SGPL1: variants seen among roughly 807,000 people sequenced by gnomAD.
SGPL1 encodes sphingosine-1-phosphate lyase 1, also known as SP-lyase 1.
A neutral mutation model predicts 68.9 loss-of-function variants in SGPL1; 37 were observed. The ratio of observed to expected loss-of-function variants is 0.54; its 90% confidence interval spans 0.41 to 0.71. SGPL1 has a LOEUF of 0.71. SGPL1 is among the 30% of genes least tolerant of loss of function. The pLI is 0.00. For synonymous variants in SGPL1, 236 were observed against 248.5 expected (o/e 0.95, Z 0.47); for missense variants, 551 against 704.6 (o/e 0.78, Z 2.47).
intron 2 of SGPL1, among the ~76,000 whole-genome samples, chr10:70,823,419 A>AC (rs1845376677): frequency 6.6e-6 from 1 of 151,934 alleles, no homozygotes; most frequent in Non-Finnish European, 1.5e-5. Flanking sequence ...TTATAATTAC[A>AC]CAGTAATTAT....
At chr10:70,823,753 C>CA (rs200046625) in intron 2 of SGPL1, among the ~76,000 whole-genome samples, 5,939 of 150,602 alleles carry the variant, frequency 0.039, 145 homozygotes, top group Non-Finnish European at 0.057. Context: ...TTTATATTTA[C>CA]AAAAAAATCA....
chr10:70,846,087 A>G (rs970004831), intron 3 of SGPL1, among the ~76,000 whole-genome samples: 2 of 152,232 alleles, frequency 1.3e-5, no homozygotes, highest in Non-Finnish European at 2.9e-5. Flanking sequence ...TTTTTAAATT[A>G]AAGTGGAAAT....
intron 2 of SGPL1, among the ~76,000 whole-genome samples, chr10:70,838,339 T>C (rs1486354964): frequency 2.6e-5 from 4 of 152,182 alleles, no homozygotes; most frequent in Non-Finnish European, 4.4e-5. Context: ...GTTCGTAAGA[T>C]TTTTTTGGAG....
At chr10:70,823,168 C>T (rs1366167702) in intron 2 of SGPL1, among the ~76,000 whole-genome samples, 3 of 152,040 alleles carry the variant, frequency 2.0e-5, no homozygotes, top group African/African-American at 2.4e-5. Flanking sequence ...CAATCTCTCT[C>T]ACTCTCTCTG....
At chr10:70,833,025 A>G (rs1218916202) in intron 2 of SGPL1, among the ~76,000 whole-genome samples, 1 of 152,240 alleles carries the variant, frequency 6.6e-6, no homozygotes, top group Non-Finnish European at 1.5e-5. Context: ...CCACAAGTAC[A>G]TTAATAAAGT....
At chr10:70,838,028 C>T (rs1195734946) in intron 2 of SGPL1, among the ~76,000 whole-genome samples, 2 of 152,168 alleles carry the variant, frequency 1.3e-5, no homozygotes, top group Non-Finnish European at 2.9e-5. Flanking sequence ...ATCTAAATCA[C>T]CTCTTAAAGA....
chr10:70,875,097 G>T (rs956782626), intron 12 of SGPL1, among the ~76,000 whole-genome samples: 1 of 152,166 alleles, frequency 6.6e-6, no homozygotes, highest in Non-Finnish European at 1.5e-5. Flanking sequence ...TGCCTCAGAA[G>T]CATCTAGGGG....
chr10:70,868,332 T>C lies in SGPL1; in HGVS notation c.616-13T>C, dbSNP rs1175315139. On this transcript the variant is annotated splice_polypyrimidine_tract_variant and intron_variant, in intron 7 of 14. Coordinates refer to ENST00000373202, the MANE Select transcript of SGPL1 (RefSeq NM_003901.4). ...TGACTCCCCCAACAGATGGCATCTC[T>C]TCTTTATTATAGGTGACTTCTGGGG... The C allele has an allele frequency of 6.3e-7, 1 of 1,594,032 alleles. No homozygotes were observed. Among genetic ancestry groups the C allele is most frequent in the Non-Finnish European group, 8.6e-7 (1 of 1,168,156 alleles).
At chr10:70,858,365 C>T (rs1254704375) in intron 6 of SGPL1, among the ~76,000 whole-genome samples, 1 of 152,026 alleles carries the variant, frequency 6.6e-6, no homozygotes, top group East Asian at 1.9e-4. Flanking sequence ...CTTCAACTCC[C>T]AGCCTCAAGT....
chr10:70,844,973 C>T (rs2131885934), intron 3 of SGPL1, among the ~76,000 whole-genome samples: 2 of 152,128 alleles, frequency 1.3e-5, no homozygotes, highest in South Asian at 4.1e-4. Flanking sequence ...CTCTTGACCT[C>T]GTGATCCACC....
intron 9 of SGPL1, among the ~76,000 whole-genome samples, 172 bp from the exon 10 acceptor site, chr10:70,870,875 AC>A (rs1277327813): frequency 6.6e-6 from 1 of 152,176 alleles, no homozygotes; most frequent in Non-Finnish European, 1.5e-5. Context: ...ACCTGGAGTC[AC>A]CTGTGTCCTG....
At chr10:70,831,119 G>T (rs962990812) in intron 2 of SGPL1, among the ~76,000 whole-genome samples, 8 of 152,138 alleles carry the variant, frequency 5.3e-5, no homozygotes, top group Admixed American at 1.3e-4. Context: ...TTTCAGAGCC[G>T]TAAACAGCCT....
intron 2 of SGPL1, among the ~76,000 whole-genome samples, chr10:70,817,797 T>C (rs1845262941): frequency 6.6e-6 from 1 of 152,226 alleles, no homozygotes; most frequent in African/African-American, 2.4e-5. Flanking sequence ...AATAAACACC[T>C]AGCATGGTGC....
chr10:70,852,557 G>A (rs572963621), intron 4 of SGPL1, among the ~76,000 whole-genome samples: 17 of 152,170 alleles, frequency 1.1e-4, no homozygotes, highest in African/African-American at 4.1e-4. Context: ...CAGACTTTGA[G>A]ACAAATAAAT....
intron 2 of SGPL1, among the ~76,000 whole-genome samples, chr10:70,839,465 C>T (rs1845682293): frequency 6.6e-6 from 1 of 152,074 alleles, no homozygotes; most frequent in Non-Finnish European, 1.5e-5. Flanking sequence ...ATAAGCACCC[C>T]TGTCCCCCTT....
Position 70,869,837 on chromosome 10 carries a change from T to A in SGPL1, c.750T>A (p.Ser250Arg). 1 of 1,614,078 alleles carries A rather than the reference T, an allele frequency of 6.2e-7. No homozygotes were observed. Among genetic ancestry groups the A allele is most frequent in the Non-Finnish European group, 8.5e-7 (1 of 1,179,982 alleles). ...ATGCTGCATTTAACAAAGCAGCCAG[T>A]TACTTTGGGATGAAGATTGTGCGGG... The part of the protein sequence containing the change: ...SAHAAFNKAA[S>R]YFGMKIVRVP... Residue 250 changes from serine (S) to arginine (R), a missense_variant, in exon 9 of 15, where the codon AGT (serine) becomes AGA (arginine). Ser to Arg is a moderately radical substitution (Grantham distance 110). Coordinates refer to ENST00000373202, the MANE Select transcript of SGPL1 (RefSeq NM_003901.4).
At chr10:70,828,445 G>A (rs966111152) in intron 2 of SGPL1, among the ~76,000 whole-genome samples, 3 of 152,064 alleles carry the variant, frequency 2.0e-5, no homozygotes, top group East Asian at 1.9e-4. Context: ...GAGAAGCCTC[G>A]GCTTCCTAAA....
rs747123519 is a variant in SGPL1 at position 70,873,308 on chromosome 10, A to G, written c.1060-43A>G. On this transcript the variant is annotated intron_variant, in intron 11 of 14. Coordinates refer to ENST00000373202, the MANE Select transcript of SGPL1 (RefSeq NM_003901.4). ...AGTTCTGGGACAAGGTCTGCCAGACAGAACTATACTCTCACTTTTCTTGTC... is the reference window on the plus strand; with the variant it reads ...AGTTCTGGGACAAGGTCTGCCAGACGGAACTATACTCTCACTTTTCTTGTC... The G allele has an allele frequency of 4.9e-6, 7 of 1,422,642 alleles. No individual in the cohort carries two copies. The African/African-American group carries it at 7.0e-5, about 14-fold the overall frequency. The allele number at this position is 1,422,642 out of a possible 1,614,324, so 88.1% of individuals were successfully genotyped here.
At position 70,880,834 on chromosome 10, in the gene SGPL1, G is replaced by C. The variant is rs958027754; in HGVS notation, c.*3499G>C. Reference sequence around the variant, plus strand: ...GAGAAAGAGGATCCAGGATGTACTTGGATGAGGAGGCCTGGCTTATCTAGG... The same window carrying C: ...GAGAAAGAGGATCCAGGATGTACTTCGATGAGGAGGCCTGGCTTATCTAGG... On this transcript the variant is annotated 3_prime_UTR_variant, in exon 15 of 15. Transcript: ENST00000373202. The C allele has an allele frequency of 6.6e-6, 1 of 152,142 alleles. No individual in the cohort carries two copies. The highest frequency in any genetic ancestry group is 2.4e-5 in the African/African-American group (1 of 41,426). 9.4% of individuals were successfully genotyped at this position (152,142 alleles called of 1,614,324 possible).
Sources: gnomAD v4.1 joint callset for allele counts (sites outside exome capture counted in the v4.1 genomes callset) on GRCh38, gnomAD v4.1.1 for gene constraint, MANE v1.5 for transcripts, NCBI Gene and HGNC (gene_info 2026-07-23, HGNC 2026-07-21) for gene names.